ZNF407: variants seen among roughly 807,000 people sequenced by gnomAD.
ZNF407 encodes the protein zinc finger protein 407.
ZNF407 carries 17 observed loss-of-function variants against 131.2 expected under a neutral mutation model. The observed-to-expected ratio is 0.13, with a 90% confidence interval of 0.09 to 0.19. The LOEUF (loss-of-function observed/expected upper bound fraction) is 0.19, where lower values mean the gene tolerates loss of function less well. ZNF407 is among the 10% of genes least tolerant of loss of function. The probability of loss-of-function intolerance (pLI) is 1.00; values close to 1 mark genes in which losing one functional copy is unlikely to be tolerated. For missense variants in ZNF407, 2,681 were observed against 2,830.6 expected, an observed-to-expected ratio of 0.95 and a Z score of 1.20; for synonymous variants, 1,156 against 1,062.0, an observed-to-expected ratio of 1.09 and a Z score of -1.72.
intron 3 of ZNF407, among the ~76,000 whole-genome samples, chr18:74,696,940 CAGTT>C (rs1350788458): frequency 6.6e-6 from 1 of 152,108 alleles, no homozygotes; most frequent in Non-Finnish European, 1.5e-5. Flanking sequence ...AATAAAAACA[CAGTT>C]AGAAAACATC....
At chr18:74,627,561 G>A (rs1983839254) in intron 1 of ZNF407, among the ~76,000 whole-genome samples, 1 of 151,910 alleles carries the variant, frequency 6.6e-6, no homozygotes, top group African/African-American at 2.4e-5. Context: ...CAACTCCCAG[G>A]CTCAAGTGGT....
At chr18:75,020,336 GTGTGTA>G (rs945086786) in intron 8 of ZNF407, among the ~76,000 whole-genome samples, 7 of 148,760 alleles carry the variant, frequency 4.7e-5, no homozygotes, top group East Asian at 3.9e-4. Flanking sequence ...GTGTGTGTGT[GTGTGTA>G]TATATATATA....
chr18:74,977,744 T>G (rs1049244057), intron 8 of ZNF407, among the ~76,000 whole-genome samples: 1 of 152,200 alleles, frequency 6.6e-6, no homozygotes, highest in Non-Finnish European at 1.5e-5. Flanking sequence ...TCAGAATACG[T>G]TCTTCTTCTT....
At chr18:74,964,945 G>C (rs76245651) in intron 8 of ZNF407, among the ~76,000 whole-genome samples, 2 of 152,218 alleles carry the variant, frequency 1.3e-5, no homozygotes, top group African/African-American at 4.8e-5. Flanking sequence ...CTGCATTTTC[G>C]TGTGTATCTA....
At chr18:74,995,236 T>C (rs534130802) in intron 8 of ZNF407, among the ~76,000 whole-genome samples, 1 of 152,222 alleles carries the variant, frequency 6.6e-6, no homozygotes, top group East Asian at 1.9e-4. Flanking sequence ...CTTGGGCGAT[T>C]TGAGTGTGCC....
chr18:74,848,378 T>TA (rs1198377961), intron 4 of ZNF407, among the ~76,000 whole-genome samples: 2 of 152,030 alleles, frequency 1.3e-5, no homozygotes, highest in South Asian at 2.1e-4. Flanking sequence ...AATAAAACCG[T>TA]AAAAAAGAAT....
chr18:74,682,610 A>G (rs930874564), intron 3 of ZNF407, among the ~76,000 whole-genome samples: 2 of 152,186 alleles, frequency 1.3e-5, no homozygotes, highest in African/African-American at 4.8e-5. Context: ...GCTTACTGCA[A>G]CTGAGAATTT....
At chr18:74,804,182 A>G (rs1970071747) in intron 4 of ZNF407, 1 of 1,388,036 alleles carries the variant, frequency 7.2e-7, no homozygotes, top group East Asian at 2.6e-5. Flanking sequence ...TGCATACTTG[A>G]ATTCATTTGT....
chr18:74,604,714 A>G (rs1346865687), intron 1 of ZNF407, among the ~76,000 whole-genome samples: 1 of 152,228 alleles, frequency 6.6e-6, no homozygotes, highest in Admixed American at 6.5e-5. Context: ...GGAAGTAACA[A>G]TAATAATGTT....
chr18:74,946,621 A>G (rs1449968811), intron 8 of ZNF407, among the ~76,000 whole-genome samples: 1 of 152,234 alleles, frequency 6.6e-6, no homozygotes, highest in Non-Finnish European at 1.5e-5. Flanking sequence ...ATATTTTAGA[A>G]CAATTTATAT....
At chr18:74,755,017 A>G (rs1968894792) in intron 3 of ZNF407, among the ~76,000 whole-genome samples, 1 of 152,180 alleles carries the variant, frequency 6.6e-6, no homozygotes, top group African/African-American at 2.4e-5. Context: ...GACTTGCTTT[A>G]GGAATCTGGG....
At chr18:75,011,972 C>G (rs1201263525) in intron 8 of ZNF407, among the ~76,000 whole-genome samples, 1 of 151,848 alleles carries the variant, frequency 6.6e-6, no homozygotes, top group Non-Finnish European at 1.5e-5. Flanking sequence ...AATTTAAATT[C>G]CTGTTTTGTG....
intron 3 of ZNF407, among the ~76,000 whole-genome samples, chr18:74,664,066 G>T (rs892433374): frequency 6.6e-6 from 1 of 152,122 alleles, no homozygotes; most frequent in Non-Finnish European, 1.5e-5. Flanking sequence ...GGTGCAGCTC[G>T]CCATTCCCAG....
chr18:74,623,104 ATC>A (rs772047608), intron 1 of ZNF407, among the ~76,000 whole-genome samples: 16 of 149,332 alleles, frequency 1.1e-4, no homozygotes, highest in Non-Finnish European at 2.1e-4. Context: ...GTGCGTGTGT[ATC>A]TGAGTGCGTG....
chr18:74,776,855 A>G (rs1339688997), intron 3 of ZNF407, among the ~76,000 whole-genome samples: 1 of 152,226 alleles, frequency 6.6e-6, no homozygotes, highest in African/African-American at 2.4e-5. Context: ...TATTAAGATA[A>G]TCATAGGGAA....
intron 8 of ZNF407, among the ~76,000 whole-genome samples, chr18:75,038,341 T>C (rs886305107): frequency 5.3e-5 from 8 of 152,236 alleles, no homozygotes; most frequent in African/African-American, 1.9e-4. Flanking sequence ...GAGGTTTTTT[T>C]TTCCACGGGA....
At chr18:74,680,866 G>A (rs1323933825) in intron 3 of ZNF407, among the ~76,000 whole-genome samples, 1 of 152,034 alleles carries the variant, frequency 6.6e-6, no homozygotes, top group Non-Finnish European at 1.5e-5. Flanking sequence ...AAATAGAAAC[G>A]TGGGTTTTCA....
At chr18:74,680,794 A>C (rs145082634) in intron 3 of ZNF407, among the ~76,000 whole-genome samples, 1 of 152,352 alleles carries the variant, frequency 6.6e-6, no homozygotes, top group Non-Finnish European at 1.5e-5. Context: ...AAAAAAATTC[A>C]GTTGAAATTT....
chr18:74,961,167 G>T (rs1972339939), intron 8 of ZNF407, among the ~76,000 whole-genome samples: 1 of 152,276 alleles, frequency 6.6e-6, no homozygotes, highest in South Asian at 2.1e-4. Context: ...TTGTAGATGG[G>T]AGTCTTTTAA....
Sources: gnomAD v4.1 joint callset for allele counts (sites outside exome capture counted in the v4.1 genomes callset) on GRCh38, gnomAD v4.1.1 for gene constraint, MANE v1.5 for transcripts, NCBI Gene and HGNC (gene_info 2026-07-23, HGNC 2026-07-21) for gene names.